Variants in TMCC1 observed in about 807,000 individuals in gnomAD.
TMCC1 encodes transmembrane and coiled-coil domain family 1, also known as transmembrane and coiled-coil domains protein 1.
A neutral mutation model predicts 52.4 loss-of-function variants in TMCC1; 15 were observed. The ratio of observed to expected loss-of-function variants is 0.29; its 90% confidence interval spans 0.19 to 0.44. TMCC1 has a LOEUF of 0.44. Ranked by LOEUF, TMCC1 falls within the 20% of genes least tolerant of loss-of-function variation. TMCC1 has a pLI of 1.00. For missense variants in TMCC1, 503 were observed against 806.0 expected (o/e 0.62, Z 4.55); for synonymous variants, 279 against 301.9 (o/e 0.92, Z 0.79).
In TMCC1 at chr3:129,670,428, TTCCCGGATC is replaced by T; in HGVS notation, c.1404_1412del (p.Ile469_Glu471del). On this transcript the variant is annotated inframe_deletion, in exon 5 of 7. Transcript: ENST00000393238. The stretch of plus-strand genomic sequence containing the variant: ...AGGATTCCTCTAGTCTGGCCTGGGT[TTCCCGGATC>T]TCCTGGATCTCATGTAGTAGTGCAT... 6.2e-7 allele frequency: 1 copy of T among 1,614,212 alleles called. No homozygotes were observed. Among genetic ancestry groups the T allele is most frequent in the East Asian group, 2.2e-5 (1 of 44,880 alleles).
At chr3:129,826,780 C>T (rs2058680328) in intron 4 of TMCC1, among the ~76,000 whole-genome samples, 2 of 151,292 alleles carry the variant, frequency 1.3e-5, no homozygotes, top group African/African-American at 4.9e-5. Flanking sequence ...AACTTAATAT[C>T]CAATAAAAAA....
chr3:129,760,321 C>T (rs2053425959), intron 4 of TMCC1, among the ~76,000 whole-genome samples: 2 of 152,138 alleles, frequency 1.3e-5, no homozygotes, highest in Non-Finnish European at 2.9e-5. Flanking sequence ...GCCATCCTCT[C>T]ACTTCCTCAG....
intron 4 of TMCC1, among the ~76,000 whole-genome samples, chr3:129,766,326 T>TTTCATTCATTCATTCA (rs201966874): frequency 3.0e-4 from 45 of 152,232 alleles, no homozygotes; most frequent in African/African-American, 1.1e-3. Flanking sequence ...TTTCTGAGCA[T>TTTCATTCATTCATTCA]TTCATTCATT....
At chr3:129,859,841 A>G (rs1242603328) in intron 2 of TMCC1, among the ~76,000 whole-genome samples, 4 of 152,176 alleles carry the variant, frequency 2.6e-5, no homozygotes, top group African/African-American at 9.7e-5. Context: ...AGTGCCTGAC[A>G]TGGTGCTCAA....
At chr3:129,792,227 C>T (rs866052649) in intron 4 of TMCC1, among the ~76,000 whole-genome samples, 4 of 149,950 alleles carry the variant, frequency 2.7e-5, no homozygotes, top group African/African-American at 7.4e-5. Context: ...TATGAAAAAA[C>T]GATTTCATTT....
At chr3:129,715,715 T>TA (rs1368149809) in intron 4 of TMCC1, among the ~76,000 whole-genome samples, 2 of 152,180 alleles carry the variant, frequency 1.3e-5, no homozygotes, top group African/African-American at 4.8e-5. Flanking sequence ...TATATATATA[T>TA]TTTTTACTTG....
At chr3:129,841,597 A>AATG (rs1318545217) in intron 2 of TMCC1, among the ~76,000 whole-genome samples, 1 of 152,096 alleles carries the variant, frequency 6.6e-6, no homozygotes, top group Non-Finnish European at 1.5e-5. Flanking sequence ...TAATAATAAT[A>AATG]ATAATGAAAA....
chr3:129,861,986 A>C (rs1203169513), intron 2 of TMCC1, among the ~76,000 whole-genome samples: 1 of 152,244 alleles, frequency 6.6e-6, no homozygotes, highest in Admixed American at 6.5e-5. Context: ...AGATAAACAA[A>C]ACATGCTATA....
At chr3:129,742,482 A>G (rs2051550267) in intron 4 of TMCC1, among the ~76,000 whole-genome samples, 3 of 152,130 alleles carry the variant, frequency 2.0e-5, no homozygotes, top group Admixed American at 2.0e-4. Flanking sequence ...GCTCATCATT[A>G]ACCACCAAGG....
At chr3:129,728,413 G>A (rs953434032) in intron 4 of TMCC1, among the ~76,000 whole-genome samples, 1 of 152,142 alleles carries the variant, frequency 6.6e-6, no homozygotes, top group Non-Finnish European at 1.5e-5. Context: ...AGTCTCCCAA[G>A]TAGCTGGGAT....
intron 5 of TMCC1, among the ~76,000 whole-genome samples, chr3:129,666,302 G>A (rs963486217): frequency 3.9e-5 from 6 of 152,190 alleles, no homozygotes; most frequent in African/African-American, 1.4e-4. Context: ...TAAATGGACA[G>A]CTTCACTAAC....
At chr3:129,663,194 T>C (rs1368070067) in intron 5 of TMCC1, among the ~76,000 whole-genome samples, 4 of 152,204 alleles carry the variant, frequency 2.6e-5, no homozygotes, top group African/African-American at 4.8e-5. Context: ...TGCTTTGACC[T>C]GAAGCATTCC....
At chr3:129,848,971 A>G (rs927356959) in intron 2 of TMCC1, among the ~76,000 whole-genome samples, 18 of 152,104 alleles carry the variant, frequency 1.2e-4, no homozygotes, top group African/African-American at 4.4e-4. Flanking sequence ...TGCCCATTCT[A>G]CAGTCTTATT....
At chr3:129,886,050 A>T (rs2061685209) in intron 1 of TMCC1, among the ~76,000 whole-genome samples, 1 of 152,060 alleles carries the variant, frequency 6.6e-6, no homozygotes, top group Admixed American at 6.6e-5. Context: ...TTGAATACAT[A>T]ATGTTAAATG....
At chr3:129,858,405 C>CT (rs1560562938) in intron 2 of TMCC1, among the ~76,000 whole-genome samples, 5 of 152,236 alleles carry the variant, frequency 3.3e-5, no homozygotes, top group Admixed American at 6.5e-5. Flanking sequence ...CAGTGTCACT[C>CT]TGTCACTCAG....
At chr3:129,737,765 A>G (rs1406384809) in intron 4 of TMCC1, among the ~76,000 whole-genome samples, 1 of 152,192 alleles carries the variant, frequency 6.6e-6, no homozygotes, top group African/African-American at 2.4e-5. Flanking sequence ...ATTCTCCTAA[A>G]TAACTACAAT....
At chr3:129,856,870 G>A (rs555663898) in intron 2 of TMCC1, among the ~76,000 whole-genome samples, 1 of 152,248 alleles carries the variant, frequency 6.6e-6, no homozygotes, top group Non-Finnish European at 1.5e-5. Context: ...AATAGGGATG[G>A]CACCAGGTTC....
intron 4 of TMCC1, among the ~76,000 whole-genome samples, chr3:129,700,844 G>A (rs968598173): frequency 6.6e-6 from 1 of 151,926 alleles, no homozygotes; most frequent in African/African-American, 2.4e-5. Flanking sequence ...ATTAACTCAT[G>A]GCCCATACAA....
chr3:129,775,702 C>A (rs1213922339), intron 4 of TMCC1, among the ~76,000 whole-genome samples: 1 of 152,154 alleles, frequency 6.6e-6, no homozygotes, highest in Non-Finnish European at 1.5e-5. Flanking sequence ...CACATTCAAT[C>A]CATTACCAAA....
Sources: gnomAD v4.1 joint callset for allele counts (sites outside exome capture counted in the v4.1 genomes callset) on GRCh38, gnomAD v4.1.1 for gene constraint, MANE v1.5 for transcripts, NCBI Gene and HGNC (gene_info 2026-07-23, HGNC 2026-07-21) for gene names.